AKAP8L: variants seen among roughly 807,000 people sequenced by gnomAD.
The protein encoded by AKAP8L is A-kinase anchoring protein 8 like, also known as A-kinase anchor protein 8-like.
Under a neutral mutation model 77.5 loss-of-function variants are expected in AKAP8L, and 34 were observed. That is an observed-to-expected ratio of 0.44 (90% CI 0.33 to 0.58). AKAP8L has a LOEUF of 0.58. AKAP8L is among the 20% of genes least tolerant of loss of function. AKAP8L has a pLI of 0.02. For synonymous variants in AKAP8L, 342 were observed against 340.7 expected (o/e 1.00, Z -0.04); for missense variants, 806 against 887.6 (o/e 0.91, Z 1.17).
rs1599604977 is a variant in AKAP8L, at chr19:15,398,697, G to A, written c.1157+605C>T. 5 of 987,956 alleles carry A rather than the reference G, an allele frequency of 5.1e-6. No homozygotes were observed. The highest frequency in any genetic ancestry group is 4.8e-6 in the Non-Finnish European group (4 of 831,654). The allele number at this position is 987,956 out of a possible 1,614,324, so 61.2% of individuals were successfully genotyped here. On this transcript the variant is annotated intron_variant, in intron 9 of 13. Coordinates refer to ENST00000397410, the MANE Select transcript of AKAP8L (RefSeq NM_014371.4). The surrounding 1 kb of genome is among the most constrained non-coding windows in gnomAD (Gnocchi z 9.2). Reference sequence around the variant, plus strand: ...CTGGAGAGCCCAGGGGCCGGGCGCCGGCGAGGCTGAGGAAGGTCCAGCAAG... The same window carrying A: ...CTGGAGAGCCCAGGGGCCGGGCGCCAGCGAGGCTGAGGAAGGTCCAGCAAG...
In AKAP8L at chr19:15,403,186, T is replaced by G; in HGVS notation, c.362+289A>C. The G allele has an allele frequency of 2.2e-6, 1 of 458,280 alleles. No homozygotes were observed. Among genetic ancestry groups the G allele is most frequent in the Non-Finnish European group, 4.1e-6 (1 of 246,886 alleles). 28.4% of individuals were successfully genotyped at this position (458,280 alleles called of 1,614,324 possible). A position where few individuals can be genotyped will look rare whatever the true frequency, so the allele number is the denominator to read the frequency against. On this transcript the variant is annotated intron_variant, in intron 4 of 13. Coordinates refer to ENST00000397410, the MANE Select transcript of AKAP8L (RefSeq NM_014371.4). The surrounding 1 kb of genome is among the most constrained non-coding windows in gnomAD (Gnocchi z 4.3). ...GGCTGTCCTTGGAGGGAGGGGTGGC[T>G]GAACACTCTGTTTTTGAGGGCACAG...
intron 1 of AKAP8L, among the ~76,000 whole-genome samples, chr19:15,417,855 G>A (rs561911065): frequency 1.3e-5 from 2 of 152,326 alleles, no homozygotes; most frequent in Non-Finnish European, 2.9e-5. Context: ...ATCAGTCACT[G>A]CCAAGGCAAA....
chr19:15,388,858 G>C (rs1967596975), intron 12 of AKAP8L, among the ~76,000 whole-genome samples: 1 of 151,678 alleles, frequency 6.6e-6, no homozygotes, highest in Admixed American at 6.6e-5. Context: ...GGAGCTTGCA[G>C]TGAGCCGAGA....
Position 15,403,428 on chromosome 19 carries a change from G to A in AKAP8L, c.362+47C>T. 6.3e-7 allele frequency: 1 copy of A among 1,579,298 alleles called. No homozygotes were observed. ...AGGAAAACGCAGTGGGCAGCAGGCAGGAGCCGCCCCTGCAGAGTCTCAACC... is the reference window on the plus strand; with the variant it reads ...AGGAAAACGCAGTGGGCAGCAGGCAAGAGCCGCCCCTGCAGAGTCTCAACC... On this transcript the variant is annotated intron_variant, in intron 4 of 13. Coordinates refer to ENST00000397410, the MANE Select transcript of AKAP8L (RefSeq NM_014371.4). This position sits in a 1 kb window ranked among gnomAD's most constrained non-coding sequence, Gnocchi z 4.3.
At chr19:15,402,573 C>G (rs1253042483) in intron 4 of AKAP8L, among the ~76,000 whole-genome samples, 1 of 152,232 alleles carries the variant, frequency 6.6e-6, no homozygotes, top group Non-Finnish European at 1.5e-5. Flanking sequence ...AGCTGTTGGG[C>G]CAGGAGTTAC....
At chr19:15,400,267 T>A (rs987878892) in intron 8 of AKAP8L, 28 bp downstream of exon 8, 1 of 1,612,924 alleles carries the variant, frequency 6.2e-7, no homozygotes, top group Non-Finnish European at 8.5e-7. Flanking sequence ...AGAGCCGCCC[T>A]AGCACCAGGC....
At chr19:15,408,988 T>C (rs926601374) in intron 2 of AKAP8L, among the ~76,000 whole-genome samples, 2 of 152,160 alleles carry the variant, frequency 1.3e-5, no homozygotes, top group Admixed American at 6.5e-5. Context: ...CCTTAACCTA[T>C]ACTGCACACC....
At position 15,400,295 on chromosome 19, in the gene AKAP8L, C is replaced by A. The variant is rs751057330; in HGVS notation, c.1048G>T (p.Gly350Trp). 1 of 1,613,924 alleles carries A rather than the reference C, an allele frequency of 6.2e-7. No homozygotes were observed. The change falls in exon 8 of 14, where the codon GGG becomes TGG. Residue 350 changes from glycine to tryptophan, a missense_variant and splice_region_variant. Physicochemically the swap from Gly to Trp is radical, Grantham distance 184 (BLOSUM62 -2). Coordinates refer to ENST00000397410, the MANE Select transcript of AKAP8L (RefSeq NM_014371.4). ...CACCAGGCACCCCAGGAAAACTCAC[C>A]CTTCTCTGGATCCTCTTTGCCTTCT... is the stretch of plus-strand genomic sequence containing the variant. Reference protein sequence around the residue: ...REEGKEDPEKGALTTQDENGQ... With the variant: ...REEGKEDPEKWALTTQDENGQ...
intron 12 of AKAP8L, among the ~76,000 whole-genome samples, chr19:15,396,159 G>A (rs1020223932): frequency 3.3e-5 from 5 of 151,862 alleles, no homozygotes; most frequent in African/African-American, 9.7e-5. Flanking sequence ...TCATCACACC[G>A]AAAAAGACCA....
Position 15,401,582 on chromosome 19 carries a change from G to A in AKAP8L, c.384C>T (p.Cys128=), listed in dbSNP as rs61739315. The change falls in exon 5 of 14, where the codon TGC becomes TGT. Residue 128 remains cysteine (C), a synonymous_variant. Transcript: ENST00000397410. This position sits in a 1 kb window ranked among gnomAD's most constrained non-coding sequence, Gnocchi z 6.2. ...GCTCACTCAGGACGGCCCTCGAGTCGCAGGACTCATAAGAGTCATACCTGC... is the reference window on the plus strand; with the variant it reads ...GCTCACTCAGGACGGCCCTCGAGTCACAGGACTCATAAGAGTCATACCTGC... The part of the protein sequence containing the change: ...GGERYDSYES[C]DSRAVLSERD... 2,622 of 1,603,754 alleles carry A rather than the reference G, an allele frequency of 1.6e-3. 40 individuals carry two copies. In the African/African-American group the frequency reaches 0.03, roughly 19 times the overall value.
At chr19:15,408,680 G>A (rs1398640037) in intron 2 of AKAP8L, among the ~76,000 whole-genome samples, 6 of 151,336 alleles carry the variant, frequency 4.0e-5, no homozygotes, top group African/African-American at 1.5e-4. Flanking sequence ...TCAGGAGCTC[G>A]AGAACATCCT....
rs1180989604 is a variant in AKAP8L at position 15,399,956 on chromosome 19, A to AGAG, written c.1048+338_1048+339insCTC. On this transcript the variant is annotated intron_variant, in intron 8 of 13. Coordinates refer to ENST00000397410, the MANE Select transcript of AKAP8L (RefSeq NM_014371.4). This position sits in a 1 kb window ranked among gnomAD's most constrained non-coding sequence, Gnocchi z 6.1. ...CACCGAGGGTCCCAGATCGGACACC[A>AGAG]GCCACTGAGGACTTGGAACTGCGCG... The AGAG allele has an allele frequency of 7.1e-6, 3 of 421,912 alleles. No homozygotes were observed. The highest frequency in any genetic ancestry group is 6.0e-5 in the African/African-American group (3 of 49,722). The allele number at this position is 421,912 out of a possible 1,614,324, so 26.1% of individuals were successfully genotyped here. A position where few individuals can be genotyped will look rare whatever the true frequency, so the allele number is the denominator to read the frequency against.
In AKAP8L at chr19:15,398,828, G is replaced by T; in HGVS notation, c.1157+474C>A. 1 of 1,015,664 alleles carries T rather than the reference G, an allele frequency of 9.8e-7. No individual in the cohort carries two copies. The highest frequency in any genetic ancestry group is 1.2e-6 in the Non-Finnish European group (1 of 847,916). 62.9% of individuals were successfully genotyped at this position (1,015,664 alleles called of 1,614,324 possible). A position where few individuals can be genotyped will look rare whatever the true frequency, so the allele number is the denominator to read the frequency against. The stretch of plus-strand genomic sequence containing the variant: ...GCTCAGCCGCAGACAGGCCCGGCCT[G>T]ACAGGGCCGGCGGGCAGGGCAGAAG... On this transcript the variant is annotated intron_variant, in intron 9 of 13. Coordinates refer to ENST00000397410, the MANE Select transcript of AKAP8L (RefSeq NM_014371.4). This position sits in a 1 kb window ranked among gnomAD's most constrained non-coding sequence, Gnocchi z 9.2.
In AKAP8L at chr19:15,398,561, C is replaced by T. The variant is rs1047535596; in HGVS notation, c.1158-706G>A. ...GAAGCCCGGGGTCTGGGGCCTGGGC[C>T]GGAGCAGGCCGCCGTGGCAAGGGGC... On this transcript the variant is annotated intron_variant, in intron 9 of 13. Transcript: ENST00000397410. The surrounding 1 kb of genome is among the most constrained non-coding windows in gnomAD (Gnocchi z 9.2). 9 of 986,480 alleles carry T rather than the reference C, an allele frequency of 9.1e-6. No individual in the cohort carries two copies. The highest frequency in any genetic ancestry group is 5.2e-5 in the African/African-American group (3 of 57,228). 61.1% of individuals were successfully genotyped at this position (986,480 alleles called of 1,614,324 possible).
At chr19:15,417,543 A>G (rs1968229170) in intron 1 of AKAP8L, 1 of 152,136 alleles carries the variant, frequency 6.6e-6, no homozygotes, top group Admixed American at 6.5e-5. Context: ...ACATTGCCAG[A>G]TGTCATCTGG....
Position 15,398,687 on chromosome 19 carries a change from G to A in AKAP8L, c.1157+615C>T. The A allele has an allele frequency of 1.0e-6, 1 of 988,062 alleles. No individual in the cohort carries two copies. Among genetic ancestry groups the A allele is most frequent in the Non-Finnish European group, 1.2e-6 (1 of 831,724 alleles). The allele number at this position is 988,062 out of a possible 1,614,324, so 61.2% of individuals were successfully genotyped here. A position where few individuals can be genotyped will look rare whatever the true frequency, so the allele number is the denominator to read the frequency against. ...TCAGCTTTGTCTGGAGAGCCCAGGG[G>A]CCGGGCGCCGGCGAGGCTGAGGAAG... On this transcript the variant is annotated intron_variant, in intron 9 of 13. Transcript: ENST00000397410. The surrounding 1 kb of genome is among the most constrained non-coding windows in gnomAD (Gnocchi z 9.2).
intron 12 of AKAP8L, among the ~76,000 whole-genome samples, chr19:15,390,024 A>C (rs2145115330): frequency 6.6e-6 from 1 of 152,134 alleles, no homozygotes; most frequent in African/African-American, 2.4e-5. Context: ...CTCTGTAGAC[A>C]GACACAAATT....
intron 2 of AKAP8L, among the ~76,000 whole-genome samples, chr19:15,407,007 A>G (rs1352562049): frequency 6.6e-6 from 1 of 152,154 alleles, no homozygotes; most frequent in Non-Finnish European, 1.5e-5. Context: ...CACACCTGTA[A>G]TCCTTTTGGG....
intron 12 of AKAP8L, among the ~76,000 whole-genome samples, chr19:15,382,900 G>A (rs142064652): frequency 5.9e-5 from 9 of 152,110 alleles, no homozygotes; most frequent in South Asian, 4.1e-4. Flanking sequence ...TTCAGATGAC[G>A]GATGAACTCA....
Sources: gnomAD v4.1 joint callset for allele counts (sites outside exome capture counted in the v4.1 genomes callset) on GRCh38, gnomAD v4.1.1 for gene constraint, Gnocchi (gnomAD v3.1) non-coding constraint, MANE v1.5 for transcripts, NCBI Gene and HGNC (gene_info 2026-07-23, HGNC 2026-07-21) for gene names.